RNASET2: variants seen among roughly 807,000 people sequenced by gnomAD.
RNASET2 encodes ribonuclease T2, also known as ribonuclease 6.
In RNASET2, 28 loss-of-function variants were observed where a neutral mutation model predicts 33.9. That is an observed-to-expected ratio of 0.83 (90% CI 0.61 to 1.13). The LOEUF is 1.13. Among genes scored for constraint, RNASET2 ranks in the 50% most tolerant of loss-of-function variants. The pLI is 0.00. For synonymous variants in RNASET2, 123 were observed against 121.0 expected (o/e 1.02, Z -0.11); for missense variants, 330 against 319.9 (o/e 1.03, Z -0.24).
Position 166,933,850 on chromosome 6 carries a change from C to T in RNASET2, c.492+241G>A, listed in dbSNP as rs1778503219. 3.4e-6 allele frequency: 2 copies of T among 581,402 alleles called. No homozygotes were observed. The highest frequency in any genetic ancestry group is 6.1e-6 in the Non-Finnish European group (2 of 326,636). 36.0% of individuals were successfully genotyped at this position (581,402 alleles called of 1,614,324 possible). On this transcript the variant is annotated intron_variant, in intron 7 of 8. Coordinates refer to ENST00000508775, the MANE Select transcript of RNASET2 (RefSeq NM_003730.6). This position sits in a 1 kb window ranked among gnomAD's most constrained non-coding sequence, Gnocchi z 4.1. ...GCTCTGCCGGACCCTGGAGCACACA[C>T]TTCTCACAAAGGGAGCCATGAAATC...
rs776650700 is a variant in RNASET2 at position 166,924,691 on chromosome 6, C to T, written c.*4897G>A. Among the ~76,000 whole-genome samples the T allele has an allele frequency of 1.4e-4, 22 of 152,154 alleles. No individual in the cohort carries two copies. Among genetic ancestry groups the T allele is most frequent in the Non-Finnish European group, 2.8e-4 (19 of 68,024 alleles). ...CAGCTATGCTCCTCTTTTCCCTTGC[C>T]GTCTGTTGCCCTGCACTTTGGGAGG... is the stretch of plus-strand genomic sequence containing the variant. On this transcript the variant is annotated 3_prime_UTR_variant, in exon 9 of 9. Coordinates refer to ENST00000508775, the MANE Select transcript of RNASET2 (RefSeq NM_003730.6).
intron 4 of RNASET2, among the ~76,000 whole-genome samples, chr6:166,945,661 T>C (rs1338345135): frequency 6.6e-6 from 1 of 151,922 alleles, no homozygotes; most frequent in Non-Finnish European, 1.5e-5. Context: ...GGAAACCCCA[T>C]GTCTACTAAA....
chr6:166,943,173 C>T (rs927647266), intron 4 of RNASET2, 84 bp from the exon 5 acceptor site: 3 of 938,502 alleles, frequency 3.2e-6, no homozygotes, highest in South Asian at 1.4e-5. Context: ...TAAACTGACA[C>T]CAAAGAATTG....
At chr6:166,946,436 C>G (rs1778846540) in intron 4 of RNASET2, among the ~76,000 whole-genome samples, 1 of 152,344 alleles carries the variant, frequency 6.6e-6, no homozygotes, top group South Asian at 2.1e-4. Flanking sequence ...GTCGGAGCCC[C>G]TCGCTCAGGC....
intron 1 of RNASET2, among the ~76,000 whole-genome samples, chr6:166,955,191 A>ACACGCAAG (rs1779081818): frequency 2.7e-5 from 1 of 36,400 alleles, no homozygotes; most frequent in African/African-American, 1.6e-4. Flanking sequence ...ACACACACGC[A>ACACGCAAG]CACACGCACG....
chr6:166,940,542 T>C (rs1562498119), intron 5 of RNASET2, among the ~76,000 whole-genome samples: 1 of 152,126 alleles, frequency 6.6e-6, no homozygotes, highest in Non-Finnish European at 1.5e-5. Flanking sequence ...TGACTTAGTT[T>C]CTATAAAACA....
At chr6:166,955,227 A>ACACGCACG (rs1294466139) in intron 1 of RNASET2, among the ~76,000 whole-genome samples, 1 of 58,492 alleles carries the variant, frequency 1.7e-5, no homozygotes, top group Non-Finnish European at 2.9e-5. Flanking sequence ...ACACGCGCAC[A>ACACGCACG]CACGCACGCA....
At chr6:166,940,736 C>T (rs998428471) in intron 5 of RNASET2, among the ~76,000 whole-genome samples, 1 of 152,088 alleles carries the variant, frequency 6.6e-6, no homozygotes, top group Non-Finnish European at 1.5e-5. Flanking sequence ...TTCATTTGGA[C>T]TGGACCTTTT....
chr6:166,941,412 T>G (rs1242908443), intron 5 of RNASET2, among the ~76,000 whole-genome samples: 11 of 152,234 alleles, frequency 7.2e-5, no homozygotes, highest in Admixed American at 7.2e-4. Flanking sequence ...CATAACTCAG[T>G]TACCATAAAC....
intron 1 of RNASET2, 76 bp downstream of exon 1, chr6:166,956,021 G>T: frequency 7.1e-7 from 1 of 1,408,004 alleles, no homozygotes; most frequent in Non-Finnish European, 9.8e-7. Context: ...GACCCCGAGA[G>T]CTGCAGCCTT....
chr6:166,924,813 A>C lies in RNASET2; in HGVS notation c.*4775T>G, dbSNP rs1778279988. On this transcript the variant is annotated 3_prime_UTR_variant, in exon 9 of 9. Coordinates refer to ENST00000508775, the MANE Select transcript of RNASET2 (RefSeq NM_003730.6). ...ACTAAAAATACAAAATTAGCCGGGC[A>C]TGGTGGCATATGCCACCACTCTTGG... is the stretch of plus-strand genomic sequence containing the variant. 6.6e-6 allele frequency among the ~76,000 whole-genome samples: 1 copy of C among 152,178 alleles called. No individual in the cohort carries two copies.
Position 166,931,130 on chromosome 6 carries a change from T to G in RNASET2, c.493-12A>C. 1 of 1,550,066 alleles carries G rather than the reference T, an allele frequency of 6.5e-7. No homozygotes were observed. Among genetic ancestry groups the G allele is most frequent in the Non-Finnish European group, 8.9e-7 (1 of 1,121,716 alleles). On this transcript the variant is annotated splice_polypyrimidine_tract_variant and intron_variant, in intron 7 of 8. Coordinates refer to ENST00000508775, the MANE Select transcript of RNASET2 (RefSeq NM_003730.6). The stretch of plus-strand genomic sequence containing the variant: ...TTAAAATCTGCAACCTGATTTTAAA[T>G]ACAAGTGTATTAGAAATTAAACTTC...
chr6:166,928,530 T>C lies in RNASET2; in HGVS notation c.*1058A>G, dbSNP rs755166711. ...CGTGTTGAACACAATGCCTGGCACA[T>C]AGTAAGTTCTATTTTAAATGTATAT... On this transcript the variant is annotated 3_prime_UTR_variant, in exon 9 of 9. Coordinates refer to ENST00000508775, the MANE Select transcript of RNASET2 (RefSeq NM_003730.6). Among the ~76,000 whole-genome samples the C allele has an allele frequency of 2.3e-4, 34 of 149,696 alleles. No homozygotes were observed. The highest frequency in any genetic ancestry group is 3.4e-4 in the Admixed American group (5 of 14,894).
rs990225484 is a variant in RNASET2 at position 166,925,296 on chromosome 6, G to C, written c.*4292C>G. ...GCCCAGGCCTCATCTATGCCACTTA[G>C]CCCTCACCCATGCCATCTAGCCCTC... On this transcript the variant is annotated 3_prime_UTR_variant, in exon 9 of 9. Coordinates refer to ENST00000508775, the MANE Select transcript of RNASET2 (RefSeq NM_003730.6). 1.3e-5 allele frequency among the ~76,000 whole-genome samples: 2 copies of C among 151,722 alleles called. No individual in the cohort carries two copies. Among genetic ancestry groups the C allele is most frequent in the African/African-American group, 2.4e-5 (1 of 41,212 alleles).
Position 166,928,306 on chromosome 6 carries a change from C to T in RNASET2, c.*1282G>A, listed in dbSNP as rs1351568096. ...TCACCGTCCCATCTGCCTGGTAAAC[C>T]TTTGTCTCTCTCTGAACATTCTGCA... is the stretch of plus-strand genomic sequence containing the variant. On this transcript the variant is annotated 3_prime_UTR_variant, in exon 9 of 9. Coordinates refer to ENST00000508775, the MANE Select transcript of RNASET2 (RefSeq NM_003730.6). Among the ~76,000 whole-genome samples, 2 of 152,236 alleles carry T rather than the reference C, an allele frequency of 1.3e-5. No individual in the cohort carries two copies. The highest frequency in any genetic ancestry group is 2.9e-5 in the Non-Finnish European group (2 of 68,046).
At chr6:166,934,391 G>A (rs41269599) in intron 6 of RNASET2, 24,092 of 485,758 alleles carry the variant, frequency 0.05, 742 homozygotes, top group Middle Eastern at 0.1. Context: ...TTCGGAGCAT[G>A]GGAGCGCTGG....
intron 2 of RNASET2, among the ~76,000 whole-genome samples, chr6:166,951,800 A>G (rs1778991408): frequency 1.3e-5 from 2 of 152,226 alleles, no homozygotes; most frequent in African/African-American, 2.4e-5. Flanking sequence ...TCTTTATTAT[A>G]CTGGAACAGC....
At chr6:166,937,745 T>C (rs1345656155) in intron 6 of RNASET2, among the ~76,000 whole-genome samples, 1 of 152,192 alleles carries the variant, frequency 6.6e-6, no homozygotes, top group Non-Finnish European at 1.5e-5. Flanking sequence ...ATTGTACAAC[T>C]AGTTAGTGTC....
At chr6:166,947,272 T>C (rs921663433) in intron 3 of RNASET2, among the ~76,000 whole-genome samples, 4 of 152,216 alleles carry the variant, frequency 2.6e-5, no homozygotes, top group African/African-American at 9.7e-5. Flanking sequence ...TCATTTTCAG[T>C]AGCAAACGCA....
Sources: gnomAD v4.1 joint callset for allele counts (sites outside exome capture counted in the v4.1 genomes callset) on GRCh38, gnomAD v4.1.1 for gene constraint, Gnocchi (gnomAD v3.1) non-coding constraint, MANE v1.5 for transcripts, NCBI Gene and HGNC (gene_info 2026-07-23, HGNC 2026-07-21) for gene names.